SRGAP2B: variants seen among roughly 807,000 people sequenced by gnomAD.
SRGAP2B encodes SLIT-ROBO Rho GTPase activating protein 2B, also known as SLIT-ROBO Rho GTPase-activating protein 2B.
Under a neutral mutation model 22.2 loss-of-function variants are expected in SRGAP2B, and 9 were observed. That is an observed-to-expected ratio of 0.41 (90% CI 0.24 to 0.71). SRGAP2B has a LOEUF of 0.71. Ranked by LOEUF, SRGAP2B falls within the 30% of genes least tolerant of loss-of-function variation. The probability of loss-of-function intolerance (pLI) is 0.35; values close to 1 mark genes in which losing one functional copy is unlikely to be tolerated. For missense variants in SRGAP2B, 114 were observed against 235.8 expected (o/e 0.48, Z 3.38); for synonymous variants, 36 against 87.4 (o/e 0.41, Z 3.28).
intron 2 of SRGAP2B, among the ~76,000 whole-genome samples, chr1:145,015,786 G>GA (rs1406459549): frequency 1.7e-5 from 1 of 58,940 alleles, no homozygotes; most frequent in Non-Finnish European, 3.1e-5. Flanking sequence ...ATGAGAAGAG[G>GA]AAAAAAAGAT....
chr1:144,997,231 A>T (rs1670754518), intron 2 of SRGAP2B, among the ~76,000 whole-genome samples: 2 of 150,714 alleles, frequency 1.3e-5, no homozygotes, highest in South Asian at 4.2e-4. Flanking sequence ...GATCGAGACC[A>T]TCATGGCTAA....
At chr1:144,940,625 C>A (rs1406585663) in intron 4 of SRGAP2B, among the ~76,000 whole-genome samples, 1 of 141,778 alleles carries the variant, frequency 7.1e-6, no homozygotes, top group East Asian at 2.1e-4. Context: ...ATGGTGAAAC[C>A]CCACCTCTAC....
intron 4 of SRGAP2B, among the ~76,000 whole-genome samples, chr1:144,941,789 C>T (rs1666070374): frequency 6.7e-6 from 1 of 149,476 alleles, no homozygotes; most frequent in South Asian, 2.1e-4. Flanking sequence ...ACAAGGGAGG[C>T]TAAAGTCAAA....
chr1:144,960,259 A>G (rs1553611043), intron 3 of SRGAP2B, among the ~76,000 whole-genome samples: 2 of 145,358 alleles, frequency 1.4e-5, no homozygotes, highest in East Asian at 4.0e-4. Context: ...ATCCCTAAAA[A>G]GCAGACAAAA....
chr1:144,911,666 G>A (rs1377452277), intron 5 of SRGAP2B, among the ~76,000 whole-genome samples: 2 of 147,420 alleles, frequency 1.4e-5, no homozygotes, highest in African/African-American at 5.2e-5. Context: ...CCCCCAGGCT[G>A]GAGTGCAGTG....
intron 1 of SRGAP2B, among the ~76,000 whole-genome samples, chr1:145,094,048 G>A (rs1488964721): frequency 7.2e-6 from 1 of 138,604 alleles, no homozygotes; most frequent in East Asian, 2.1e-4. Flanking sequence ...ACGGGTTAGA[G>A]GATAGGGTCG....
chr1:145,068,808 T>C, intron 2 of SRGAP2B, among the ~76,000 whole-genome samples: 1 of 146,844 alleles, frequency 6.8e-6, no homozygotes, highest in East Asian at 2.0e-4. Context: ...TTTTCTTTAC[T>C]TATGAGGCAT....
At chr1:144,941,531 C>T (rs1251362620) in intron 4 of SRGAP2B, among the ~76,000 whole-genome samples, 1 of 148,346 alleles carries the variant, frequency 6.7e-6, no homozygotes, top group Non-Finnish European at 1.5e-5. Flanking sequence ...AACAAAAAAC[C>T]CCAAGGGCTG....
At chr1:144,948,317 G>A (rs1666615481) in intron 4 of SRGAP2B, among the ~76,000 whole-genome samples, 1 of 149,386 alleles carries the variant, frequency 6.7e-6, no homozygotes, top group African/African-American at 2.5e-5. Flanking sequence ...CATTTATATT[G>A]TATCAGCATT....
At chr1:144,924,663 C>T (rs1359021585) in intron 4 of SRGAP2B, among the ~76,000 whole-genome samples, 2 of 149,894 alleles carry the variant, frequency 1.3e-5, no homozygotes, top group Admixed American at 6.7e-5. Context: ...ACCCGGGAGG[C>T]GGAGCTTGCA....
intron 4 of SRGAP2B, among the ~76,000 whole-genome samples, chr1:144,954,795 A>G (rs587749252): frequency 6.6e-6 from 1 of 150,550 alleles, no homozygotes; most frequent in South Asian, 2.1e-4. Context: ...AGGAAGTACG[A>G]TAACAATTGA....
At chr1:144,981,169 C>T (rs1669300940) in intron 3 of SRGAP2B, among the ~76,000 whole-genome samples, 1 of 147,644 alleles carries the variant, frequency 6.8e-6, no homozygotes. Flanking sequence ...GAAAAGAGAA[C>T]TGGATCAAAG....
intron 3 of SRGAP2B, among the ~76,000 whole-genome samples, chr1:144,979,776 G>A (rs1396805762): frequency 2.6e-5 from 4 of 151,470 alleles, no homozygotes; most frequent in African/African-American, 9.8e-5. Flanking sequence ...CTGGCTCCCC[G>A]GTGCCTTCTG....
At chr1:144,983,966 A>T (rs2102073821) in intron 3 of SRGAP2B, among the ~76,000 whole-genome samples, 1 of 150,698 alleles carries the variant, frequency 6.6e-6, no homozygotes, top group Non-Finnish European at 1.5e-5. Flanking sequence ...AAAATCCAAA[A>T]CCAAATTTCT....
chr1:145,045,335 A>AAG (rs1164681075), intron 2 of SRGAP2B, among the ~76,000 whole-genome samples: 8 of 144,974 alleles, frequency 5.5e-5, no homozygotes, highest in African/African-American at 1.9e-4. Context: ...AAGAGAAAGA[A>AAG]AGAGAGAGAG....
At chr1:144,964,426 T>C (rs1473767956) in intron 3 of SRGAP2B, among the ~76,000 whole-genome samples, 3 of 149,854 alleles carry the variant, frequency 2.0e-5, no homozygotes, top group African/African-American at 7.6e-5. Flanking sequence ...TCTGGGTGGC[T>C]ACTGAATGAC....
intron 2 of SRGAP2B, among the ~76,000 whole-genome samples, chr1:145,076,102 G>A: frequency 6.7e-6 from 1 of 150,334 alleles, no homozygotes; most frequent in Non-Finnish European, 1.5e-5. Context: ...AGTCCAAAGG[G>A]AGAGAAATAT....
At chr1:144,950,235 C>A (rs1284420733) in intron 4 of SRGAP2B, among the ~76,000 whole-genome samples, 3 of 132,928 alleles carry the variant, frequency 2.3e-5, no homozygotes, top group Non-Finnish European at 4.7e-5. Flanking sequence ...CAAAGTCAGT[C>A]TGTTTTTAAG....
rs1486231571 is a variant in SRGAP2B at position 144,911,915 on chromosome 1, G to A, written c.486+2777C>T. On this transcript the variant is annotated intron_variant, in intron 5 of 9. Coordinates refer to ENST00000612199, the Ensembl canonical transcript of SRGAP2B. ...ATTACGGGCATGAGCCACTGTGACC[G>A]GCTATTCTCTGAACTTTCTCTTTTT... 1.2e-4 allele frequency among the ~76,000 whole-genome samples: 17 copies of A among 137,094 alleles called. 1 individual carries two copies. The South Asian group carries it at 1.8e-3, about 15-fold the overall frequency. 89.9% of individuals were successfully genotyped at this position (137,094 alleles called of 152,430 possible).
Sources: gnomAD v4.1 joint callset for allele counts (sites outside exome capture counted in the v4.1 genomes callset) on GRCh38, gnomAD v4.1.1 for gene constraint, MANE v1.5 for transcripts, NCBI Gene and HGNC (gene_info 2026-07-23, HGNC 2026-07-21) for gene names.